Variants in YES1 observed in about 807,000 individuals in gnomAD.
YES1 encodes YES proto-oncogene 1, Src family tyrosine kinase.
In YES1, 39 loss-of-function variants were observed where a neutral mutation model predicts 70.4. That is an observed-to-expected ratio of 0.55 (90% CI 0.43 to 0.72). YES1 has a LOEUF of 0.72. YES1 is among the 30% of genes least tolerant of loss of function. The probability of loss-of-function intolerance (pLI) is 0.00; values close to 1 mark genes in which losing one functional copy is unlikely to be tolerated. For synonymous variants in YES1, 198 were observed against 218.6 expected (o/e 0.91, Z 0.83); for missense variants, 495 against 644.8 (o/e 0.77, Z 2.52).
At position 807,330 on chromosome 18, in the gene YES1, T is replaced by TC. The variant is rs1442342103; in HGVS notation, c.-9+4783dup. On this transcript the variant is annotated intron_variant, in intron 1 of 11. Coordinates refer to ENST00000314574, the MANE Select transcript of YES1 (RefSeq NM_005433.4). ...GCCTGGGCAGTAGAGTGATACTTCA[T>TC]CAAAAAAAAAAAAAAAAAATTAGCC... Among the ~76,000 whole-genome samples, 21 of 108,722 alleles carry TC rather than the reference T, an allele frequency of 1.9e-4. 1 individual carries two copies. In the South Asian group the frequency reaches 6.5e-3, roughly 34 times the overall value. 71.3% of individuals were successfully genotyped at this position (108,722 alleles called of 152,430 possible).
At chr18:788,952 A>G (rs1482996876) in intron 1 of YES1, among the ~76,000 whole-genome samples, 1 of 152,156 alleles carries the variant, frequency 6.6e-6, no homozygotes, top group Non-Finnish European at 1.5e-5. Flanking sequence ...TATGAGAAAT[A>G]TTTCCTTGCT....
intron 1 of YES1, among the ~76,000 whole-genome samples, chr18:793,764 A>G (rs1004664887): frequency 2.0e-5 from 3 of 152,256 alleles, no homozygotes; most frequent in African/African-American, 7.2e-5. Flanking sequence ...AAATAGTTAT[A>G]AAGTAGTACT....
At chr18:778,003 T>C (rs1043716348) in intron 1 of YES1, among the ~76,000 whole-genome samples, 7 of 152,236 alleles carry the variant, frequency 4.6e-5, no homozygotes, top group African/African-American at 1.7e-4. Context: ...TATTTTGCTT[T>C]AATACAATTT....
intron 1 of YES1, among the ~76,000 whole-genome samples, chr18:802,053 A>G (rs1306759784): frequency 6.6e-6 from 1 of 152,190 alleles, no homozygotes; most frequent in African/African-American, 2.4e-5. Context: ...ACCTTAATTA[A>G]CAGCTGATAT....
chr18:732,226 G>T (rs1463259956), intron 11 of YES1, among the ~76,000 whole-genome samples: 2 of 151,852 alleles, frequency 1.3e-5, no homozygotes, highest in Non-Finnish European at 2.9e-5. Flanking sequence ...ATCACCTGAG[G>T]TCAGGAGTTC....
At chr18:758,740 A>G (rs73370181) in intron 1 of YES1, among the ~76,000 whole-genome samples, 3,192 of 152,154 alleles carry the variant, frequency 0.021, 118 homozygotes, top group African/African-American at 0.073. Context: ...ACCATTTTTA[A>G]TTTACTGGTC....
chr18:764,189 C>T (rs116562117), intron 1 of YES1, among the ~76,000 whole-genome samples: 2,235 of 151,684 alleles, frequency 0.015, 48 homozygotes, highest in African/African-American at 0.052. Flanking sequence ...ACTTACTATA[C>T]GTGTATTAAG....
intron 11 of YES1, among the ~76,000 whole-genome samples, chr18:729,605 C>G (rs2080063173): frequency 6.8e-6 from 1 of 146,034 alleles, no homozygotes; most frequent in Non-Finnish European, 1.5e-5. Flanking sequence ...GAGTCTGCTC[C>G]TATTGATTTT....
intron 1 of YES1, among the ~76,000 whole-genome samples, chr18:805,384 T>C (rs1907049213): frequency 6.6e-6 from 1 of 152,340 alleles, no homozygotes; most frequent in Admixed American, 6.5e-5. Flanking sequence ...TACACCTATA[T>C]AGGGCAGCTC....
In YES1 at chr18:757,683, G is replaced by A. The variant is rs574314543; in HGVS notation, c.-8-848C>T. Among the ~76,000 whole-genome samples the A allele has an allele frequency of 8.6e-5, 13 of 151,790 alleles. No homozygotes were observed. The South Asian group carries it at 1.2e-3, about 15-fold the overall frequency. On this transcript the variant is annotated intron_variant, in intron 1 of 11. Coordinates refer to ENST00000314574, the MANE Select transcript of YES1 (RefSeq NM_005433.4). The stretch of plus-strand genomic sequence containing the variant: ...ATAAAAATACAAAAATTAGCTGGGC[G>A]TGGTGGTGCACACCTGTAATCCCAG...
intron 1 of YES1, among the ~76,000 whole-genome samples, chr18:764,389 A>AT (rs1904762506): frequency 6.6e-6 from 1 of 151,966 alleles, no homozygotes; most frequent in Admixed American, 6.6e-5. Context: ...TGCCCGGCTA[A>AT]TTTTGTATTT....
intron 10 of YES1, among the ~76,000 whole-genome samples, chr18:735,259 T>C (rs2080139585): frequency 2.0e-5 from 3 of 151,956 alleles, no homozygotes; most frequent in African/African-American, 7.3e-5. Context: ...AAATGACCAT[T>C]GACCAATGAG....
At chr18:725,027 G>A (rs2080000958) in intron 11 of YES1, among the ~76,000 whole-genome samples, 2 of 152,174 alleles carry the variant, frequency 1.3e-5, no homozygotes, top group South Asian at 4.1e-4. Context: ...CAGGAATTCA[G>A]AAGAAAGTTC....
Position 749,817 on chromosome 18 carries a change from G to A in YES1, c.372-1799C>T, listed in dbSNP as rs368625681. The stretch of plus-strand genomic sequence containing the variant: ...AGAGCTTGCAGTGAGCCGAGATTGC[G>A]CCACTGCACTCCAGCCTGGCGACAG... On this transcript the variant is annotated intron_variant, in intron 3 of 11. Transcript: ENST00000314574. Among the ~76,000 whole-genome samples the A allele has an allele frequency of 1.1e-4, 16 of 148,290 alleles. No homozygotes were observed. In the South Asian group the frequency reaches 1.7e-3, roughly 16 times the overall value.
At chr18:807,288 C>T (rs1394419996) in intron 1 of YES1, among the ~76,000 whole-genome samples, 19 of 149,610 alleles carry the variant, frequency 1.3e-4, no homozygotes, top group Non-Finnish European at 8.9e-5. Context: ...GAGCCAAGAT[C>T]GTGCCATTGC....
chr18:793,667 G>C (rs11664455), intron 1 of YES1, among the ~76,000 whole-genome samples: 222 of 152,140 alleles, frequency 1.5e-3, no homozygotes, highest in African/African-American at 5.0e-3. Context: ...AAAAGTAAGA[G>C]AATTAACTGA....
chr18:812,327 GCC>G (rs10617278), upstream of YES1: 22,027 of 144,966 alleles, frequency 0.15, 1,817 homozygotes, highest in African/African-American at 0.21. Flanking sequence ...CACCTCCTCC[GCC>G]CCCCCCCCCC....
At chr18:806,730 G>A (rs557549411) in intron 1 of YES1, among the ~76,000 whole-genome samples, 1 of 152,324 alleles carries the variant, frequency 6.6e-6, no homozygotes, top group East Asian at 1.9e-4. Context: ...TTTTGTGGGA[G>A]CACAAAGAGG....
rs1270561632 is a variant in YES1 at position 721,911 on chromosome 18, C to A, written c.*2513G>T. 4 of 152,602 alleles carry A rather than the reference C, an allele frequency of 2.6e-5. No homozygotes were observed. The highest frequency in any genetic ancestry group is 5.9e-5 in the Non-Finnish European group (4 of 68,046). The allele number at this position is 152,602 out of a possible 1,614,324, so 9.5% of individuals were successfully genotyped here. A position where few individuals can be genotyped will look rare whatever the true frequency, so the allele number is the denominator to read the frequency against. ...GTAAGGGTTAACTTCCACATTAAGA[C>A]ACTGAAGACGAAAAGCTGTTGGAAA... is the stretch of plus-strand genomic sequence containing the variant. On this transcript the variant is annotated 3_prime_UTR_variant, in exon 12 of 12. Transcript: ENST00000314574.
Sources: allele counts gnomAD v4.1 joint callset (sites outside exome capture counted in the v4.1 genomes callset), GRCh38; gene constraint gnomAD v4.1.1; transcripts MANE v1.5; gene names NCBI Gene and HGNC (gene_info 2026-07-23, HGNC 2026-07-21).